The following STOX2 variants were observed in gnomAD, a reference collection of about 807,000 sequenced individuals.
STOX2 encodes storkhead-box protein 2.
STOX2 carries 28 observed loss-of-function variants against 60.9 expected under a neutral mutation model. That is an observed-to-expected ratio of 0.46 (90% CI 0.34 to 0.63). The LOEUF is 0.63. Ranked by LOEUF, STOX2 falls within the 30% of genes least tolerant of loss-of-function variation. The probability of loss-of-function intolerance (pLI) is 0.01; values close to 1 mark genes in which losing one functional copy is unlikely to be tolerated. For synonymous variants in STOX2, 472 were observed against 463.9 expected (o/e 1.02, Z -0.22); for missense variants, 1,024 against 1,187.7 (o/e 0.86, Z 2.03).
At chr4:183,889,276 C>T (rs1741153890) in intron 1 of STOX2, among the ~76,000 whole-genome samples, 1 of 151,836 alleles carries the variant, frequency 6.6e-6, no homozygotes, top group African/African-American at 2.4e-5. Context: ...TGACTGGTGT[C>T]CTTATAAAAA....
intron 1 of STOX2, among the ~76,000 whole-genome samples, chr4:183,926,509 T>C (rs1208358583): frequency 1.3e-5 from 2 of 152,260 alleles, no homozygotes; most frequent in Non-Finnish European, 2.9e-5. Flanking sequence ...TGGTTGAACA[T>C]TACTAGCTAA....
intron 1 of STOX2, among the ~76,000 whole-genome samples, chr4:183,984,193 CT>C (rs1272565742): frequency 1.3e-5 from 2 of 152,242 alleles, no homozygotes; most frequent in African/African-American, 4.8e-5. Flanking sequence ...AAAAGTATCC[CT>C]GCTCATGGAG....
In STOX2 at chr4:183,899,474, C is replaced by T. The variant is rs535266834; in HGVS notation, c.364+101419C>T. Among the ~76,000 whole-genome samples, 58 of 152,270 alleles carry T rather than the reference C, an allele frequency of 3.8e-4. No homozygotes were observed. In the South Asian group the frequency reaches 0.011, roughly 29 times the overall value. ...TAGAAGTGCTACCCCAATGAACACACGAATGATAAGAAAGCAAAACAGACT... is the reference window on the plus strand; with the variant it reads ...TAGAAGTGCTACCCCAATGAACACATGAATGATAAGAAAGCAAAACAGACT... On this transcript the variant is annotated intron_variant, in intron 1 of 2. Coordinates refer to the STOX2 transcript ENST00000513034.
intron 1 of STOX2, among the ~76,000 whole-genome samples, chr4:183,873,525 G>A (rs990813936): frequency 6.6e-6 from 1 of 151,732 alleles, no homozygotes; most frequent in Non-Finnish European, 1.5e-5. Flanking sequence ...TGCTGAGCCT[G>A]CCTTGACAAG....
chr4:183,922,538 G>T (rs979843213), intron 1 of STOX2, among the ~76,000 whole-genome samples: 2 of 151,960 alleles, frequency 1.3e-5, no homozygotes, highest in Non-Finnish European at 2.9e-5. Flanking sequence ...TAGAGACGGG[G>T]TTTCACCATC....
intron 1 of STOX2, among the ~76,000 whole-genome samples, chr4:183,864,942 C>G (rs1740529748): frequency 1.3e-5 from 2 of 152,198 alleles, no homozygotes; most frequent in Admixed American, 1.3e-4. Flanking sequence ...TTTCTCTCCT[C>G]CATTCTTACC....
Position 184,010,818 on chromosome 4 carries a change from G to A in STOX2, c.1980G>A (p.Gly660=). The change falls in exon 3 of 4, where the codon GGG becomes GGA. Residue 660 remains glycine, a synonymous_variant. Transcript: ENST00000308497. The surrounding 1 kb of genome is among the most constrained non-coding windows in gnomAD (Gnocchi z 4.5). The part of the protein sequence containing the change: ...PVGHKEESPK[G]PGGGPAASGG... Reference sequence around the variant, plus strand: ...GGCACAAGGAGGAGTCACCAAAAGGGCCGGGTGGGGGCCCCGCTGCTTCGG... The same window carrying A: ...GGCACAAGGAGGAGTCACCAAAAGGACCGGGTGGGGGCCCCGCTGCTTCGG... 4 of 1,586,820 alleles carry A rather than the reference G, an allele frequency of 2.5e-6. No homozygotes were observed. Among genetic ancestry groups the A allele is most frequent in the Non-Finnish European group, 3.4e-6 (4 of 1,166,904 alleles).
chr4:183,997,176 A>C (rs1208823924), intron 1 of STOX2, among the ~76,000 whole-genome samples: 1 of 152,198 alleles, frequency 6.6e-6, no homozygotes. Flanking sequence ...ATGGAATGGC[A>C]GTAGACCAGA....
intron 1 of STOX2, among the ~76,000 whole-genome samples, chr4:183,892,462 A>C (rs1741244111): frequency 6.6e-6 from 1 of 152,014 alleles, no homozygotes; most frequent in Non-Finnish European, 1.5e-5. Flanking sequence ...TTGTATTTTT[A>C]GTAGAGACGG....
At chr4:183,882,364 A>G (rs1256629671) in intron 1 of STOX2, among the ~76,000 whole-genome samples, 1 of 152,230 alleles carries the variant, frequency 6.6e-6, no homozygotes. Context: ...TAAAGCAATT[A>G]TAAAAGAAAA....
At chr4:183,915,234 A>T (rs1651002844) in intron 1 of STOX2, among the ~76,000 whole-genome samples, 2 of 152,206 alleles carry the variant, frequency 1.3e-5, no homozygotes, top group Admixed American at 6.5e-5. Flanking sequence ...GTAGTTTCAG[A>T]GGGAGGAGCC....
chr4:183,868,579 T>C (rs1253142808), intron 1 of STOX2, among the ~76,000 whole-genome samples: 1 of 152,226 alleles, frequency 6.6e-6, no homozygotes, highest in African/African-American at 2.4e-5. Flanking sequence ...TCAGGTGGAC[T>C]TGAAAAGTCT....
At chr4:183,998,405 ACAGGCCGGTGTCT>A (rs1733438584) in intron 1 of STOX2, among the ~76,000 whole-genome samples, 1 of 152,300 alleles carries the variant, frequency 6.6e-6, no homozygotes, top group Non-Finnish European at 1.5e-5. Flanking sequence ...AGAAGGAACT[ACAGGCCGGTGTCT>A]CAGACTGTCT....
At chr4:183,869,220 C>T (rs11737799) in intron 1 of STOX2, among the ~76,000 whole-genome samples, 35,808 of 151,950 alleles carry the variant, frequency 0.24, 4,883 homozygotes, top group Non-Finnish European at 0.29. Flanking sequence ...TTTTCCATGA[C>T]GAGGAAAGAA....
chr4:183,917,038 CT>C (rs756598646), intron 1 of STOX2, among the ~76,000 whole-genome samples: 6 of 152,208 alleles, frequency 3.9e-5, no homozygotes, highest in Non-Finnish European at 5.9e-5. Context: ...ACTGGAAGCT[CT>C]TTCAGGCCGT....
Position 183,934,028 on chromosome 4 carries a change from G to A in STOX2, c.166+27072G>A, listed in dbSNP as rs1361883845. Among the ~76,000 whole-genome samples the A allele has an allele frequency of 2.0e-5, 3 of 152,178 alleles. 1 individual carries two copies. The highest frequency in any genetic ancestry group is 2.0e-4 in the Admixed American group (3 of 15,280). On this transcript the variant is annotated intron_variant, in intron 1 of 3. Coordinates refer to ENST00000308497, the MANE Select transcript of STOX2 (RefSeq NM_020225.3). ...ATTTAAAGATGTAAATATTGGCCAG[G>A]TGTGGTGGCTCATGCCTGTGATCCT...
intron 1 of STOX2, among the ~76,000 whole-genome samples, chr4:183,883,095 A>G (rs1740992829): frequency 6.6e-6 from 1 of 152,078 alleles, no homozygotes; most frequent in South Asian, 2.1e-4. Flanking sequence ...GGCTTCAGCA[A>G]TGTCATCATG....
intron 1 of STOX2, among the ~76,000 whole-genome samples, chr4:183,814,517 G>C (rs979673853): frequency 6.6e-6 from 1 of 152,162 alleles, no homozygotes; most frequent in Non-Finnish European, 1.5e-5. Flanking sequence ...GGACTGCATC[G>C]GGACCAGGTC....
chr4:183,957,181 A>AATAATC (rs1553981795), intron 1 of STOX2, among the ~76,000 whole-genome samples: 5 of 149,910 alleles, frequency 3.3e-5, no homozygotes, highest in Middle Eastern at 7.0e-3. Flanking sequence ...TAATAATAAT[A>AATAATC]ATAAAAGAAA....
Sources: allele counts gnomAD v4.1 joint callset (sites outside exome capture counted in the v4.1 genomes callset), GRCh38; gene constraint gnomAD v4.1.1; non-coding constraint Gnocchi (gnomAD v3.1); transcripts MANE v1.5; gene names NCBI Gene and HGNC (gene_info 2026-07-23, HGNC 2026-07-21).